The following DENND3 variants were observed in gnomAD, a reference collection of about 807,000 sequenced individuals.
The protein encoded by DENND3 is DENN domain containing 3.
A neutral mutation model predicts 135.1 loss-of-function variants in DENND3; 88 were observed. The ratio of observed to expected loss-of-function variants is 0.65; its 90% confidence interval spans 0.55 to 0.78. The LOEUF is 0.78. DENND3 is among the 30% of genes least tolerant of loss of function. The pLI is 0.00. For missense variants in DENND3, 1,392 were observed against 1,688.4 expected (o/e 0.82, Z 3.08); for synonymous variants, 693 against 712.3 (o/e 0.97, Z 0.43).
chr8:141,170,040 C>T (rs1821324587), intron 13 of DENND3, among the ~76,000 whole-genome samples: 2 of 152,272 alleles, frequency 1.3e-5, no homozygotes, highest in South Asian at 4.1e-4. Context: ...TCCCAGGCAG[C>T]ACACATTCCT....
rs1357913644 is a variant in DENND3, at chr8:141,130,047, C to T, written c.102+1238C>T. The T allele has an allele frequency of 2.0e-5, 3 of 152,220 alleles. No homozygotes were observed. The highest frequency in any genetic ancestry group is 4.4e-5 in the Non-Finnish European group (3 of 68,046). 9.4% of individuals were successfully genotyped at this position (152,220 alleles called of 1,614,324 possible). Reference sequence around the variant, plus strand: ...ACCTCGAATTTGCCAGATGGCATCTCCTCCTTTTTCTTCGAATAGGAAGTG... The same window carrying T: ...ACCTCGAATTTGCCAGATGGCATCTTCTCCTTTTTCTTCGAATAGGAAGTG... On this transcript the variant is annotated intron_variant, in intron 1 of 22. Coordinates refer to ENST00000519811, the MANE Select transcript of DENND3 (RefSeq NM_001352890.3). This position sits in a 1 kb window ranked among gnomAD's most constrained non-coding sequence, Gnocchi z 4.2.
rs1183601042 is a variant in DENND3, at chr8:141,194,450, C to T, written c.*217C>T. ...GGTTAAACTGCACCAAGGGTGTTTC[C>T]TGTTGGGGTGTGTCTCAGGCAGGCA... is the stretch of plus-strand genomic sequence containing the variant. On this transcript the variant is annotated 3_prime_UTR_variant, in exon 23 of 23. Transcript: ENST00000519811. 8 of 585,994 alleles carry T rather than the reference C, an allele frequency of 1.4e-5. No homozygotes were observed. Among genetic ancestry groups the T allele is most frequent in the Non-Finnish European group, 9.1e-6 (3 of 330,338 alleles). The allele number at this position is 585,994 out of a possible 1,614,324, so 36.3% of individuals were successfully genotyped here.
chr8:141,140,285 G>A (rs75581121), intron 3 of DENND3, among the ~76,000 whole-genome samples: 13,919 of 152,202 alleles, frequency 0.091, 1,166 homozygotes, highest in East Asian at 0.42. Flanking sequence ...CGTGACTTGA[G>A]GGTGGGAACC....
Position 141,141,426 on chromosome 8 carries a change from T to A in DENND3, c.623+102T>A. ...GGGCTGGAGGTGGTGGGGGGGCAGCTCTCTGTTCCTCTCCTGGTGAGCCGG... is the reference window on the plus strand; with the variant it reads ...GGGCTGGAGGTGGTGGGGGGGCAGCACTCTGTTCCTCTCCTGGTGAGCCGG... On this transcript the variant is annotated intron_variant, in intron 4 of 22. Coordinates refer to ENST00000519811, the MANE Select transcript of DENND3 (RefSeq NM_001352890.3). This position sits in a 1 kb window ranked among gnomAD's most constrained non-coding sequence, Gnocchi z 5.3. 2 of 1,266,490 alleles carry A rather than the reference T, an allele frequency of 1.6e-6. No individual in the cohort carries two copies. Among genetic ancestry groups the A allele is most frequent in the Non-Finnish European group, 2.2e-6 (2 of 923,282 alleles). 78.5% of individuals were successfully genotyped at this position (1,266,490 alleles called of 1,614,324 possible).
At chr8:141,185,001 AC>A in intron 17 of DENND3, 137 bp from the exon 18 acceptor site, 1 of 1,109,414 alleles carries the variant, frequency 9.0e-7, no homozygotes, top group South Asian at 1.8e-5. Flanking sequence ...CTGCCTGGGC[AC>A]GTCTTTGTAC....
In DENND3 at chr8:141,186,832, C is replaced by A. The variant is rs537916066; in HGVS notation, c.3084+1554C>A. Among the ~76,000 whole-genome samples the A allele has an allele frequency of 1.6e-3, 246 of 152,282 alleles. 1 individual carries two copies. In the South Asian group the frequency reaches 0.029, roughly 18 times the overall value. On this transcript the variant is annotated intron_variant, in intron 18 of 22. Coordinates refer to ENST00000519811, the MANE Select transcript of DENND3 (RefSeq NM_001352890.3). ...CCCAGCGGCCCCTCCTGCCTGCAGACCATCATTTCTTGGGGATTTTCCCTG... is the reference window on the plus strand; with the variant it reads ...CCCAGCGGCCCCTCCTGCCTGCAGAACATCATTTCTTGGGGATTTTCCCTG...
rs554978587 is a variant in DENND3, at chr8:141,151,547, C to G, written c.856-72C>G. On this transcript the variant is annotated intron_variant, in intron 6 of 22. Transcript: ENST00000519811. ...CTGCACTCCAGCCTGGGCTGGGCAA[C>G]ACAGCGAGACCCTGTCTGTATTTTT... The G allele has an allele frequency of 4.1e-6, 6 of 1,452,112 alleles. No homozygotes were observed. In the East Asian group the frequency reaches 1.4e-4, roughly 33 times the overall value. 90.0% of individuals were successfully genotyped at this position (1,452,112 alleles called of 1,614,324 possible). A position where few individuals can be genotyped will look rare whatever the true frequency, so the allele number is the denominator to read the frequency against.
chr8:141,156,526 C>T (rs1415209803), intron 8 of DENND3, among the ~76,000 whole-genome samples: 1 of 152,154 alleles, frequency 6.6e-6, no homozygotes, highest in Non-Finnish European at 1.5e-5. Flanking sequence ...GGATCCTGTG[C>T]CTGTGATCCT....
chr8:141,156,856 A>G (rs576629026), intron 8 of DENND3, among the ~76,000 whole-genome samples: 3 of 147,942 alleles, frequency 2.0e-5, no homozygotes, highest in Admixed American at 6.8e-5. Context: ...CAGTGGCGCA[A>G]TTTTGGCTCA....
intron 7 of DENND3, among the ~76,000 whole-genome samples, chr8:141,152,486 T>C (rs1055844851): frequency 3.3e-5 from 5 of 152,238 alleles, no homozygotes; most frequent in African/African-American, 1.2e-4. Flanking sequence ...CTCCATGCGC[T>C]ATCCTTCCAT....
At chr8:141,155,745 G>A in intron 7 of DENND3, 104 bp from the exon 8 acceptor site, 7 of 1,386,016 alleles carry the variant, frequency 5.1e-6, no homozygotes, top group Non-Finnish European at 6.7e-6. Flanking sequence ...AATTAATGAT[G>A]ACACTGTCTT....
At position 141,128,638 on chromosome 8, in the gene DENND3, C is replaced by G; in HGVS notation, c.-70C>G. On this transcript the variant is annotated 5_prime_UTR_variant, in exon 1 of 23. Coordinates refer to ENST00000519811, the MANE Select transcript of DENND3 (RefSeq NM_001352890.3). This position sits in a 1 kb window ranked among gnomAD's most constrained non-coding sequence, Gnocchi z 4.5. ...GGCCCCCAGGCGGCGCGGCTGGTCC[C>G]CAGGGGTCTGCGGGCGACTGCGCGG... 2.8e-6 allele frequency: 3 copies of G among 1,053,940 alleles called. No homozygotes were observed. Among genetic ancestry groups the G allele is most frequent in the Non-Finnish European group, 1.2e-6 (1 of 824,354 alleles). The allele number at this position is 1,053,940 out of a possible 1,614,324, so 65.3% of individuals were successfully genotyped here. A position where few individuals can be genotyped will look rare whatever the true frequency, so the allele number is the denominator to read the frequency against.
intron 9 of DENND3, 26 bp from the exon 10 acceptor site, chr8:141,163,307 A>ACTCAGACT (rs1364407367): frequency 7.1e-7 from 1 of 1,417,366 alleles, no homozygotes; most frequent in African/African-American, 1.4e-5. Context: ...AAGTTTTAGC[A>ACTCAGACT]CTCAGACTCT....
intron 22 of DENND3, chr8:141,192,884 C>T: frequency 6.7e-7 from 1 of 1,502,218 alleles, no homozygotes; most frequent in Middle Eastern, 1.7e-4. Context: ...CAGCGCATTC[C>T]CCCAAACTGG....
intron 5 of DENND3, among the ~76,000 whole-genome samples, chr8:141,149,828 G>C (rs1396401009): frequency 6.6e-6 from 1 of 152,248 alleles, no homozygotes; most frequent in Non-Finnish European, 1.5e-5. Context: ...CCTGCGTCTT[G>C]TTAGGAAGCA....
In DENND3 at chr8:141,194,595, G is replaced by A. The variant is rs1825158201; in HGVS notation, c.*362G>A. 1 of 280,624 alleles carries A rather than the reference G, an allele frequency of 3.6e-6. No individual in the cohort carries two copies. Among genetic ancestry groups the A allele is most frequent in the East Asian group, 8.0e-5 (1 of 12,564 alleles). The allele number at this position is 280,624 out of a possible 1,614,324, so 17.4% of individuals were successfully genotyped here. ...AGCTTGGCCGAGTCACAGGTGACCC[G>A]TGGCCCTCACGTCTCTGGTTTTACC... On this transcript the variant is annotated 3_prime_UTR_variant, in exon 23 of 23. Coordinates refer to ENST00000519811, the MANE Select transcript of DENND3 (RefSeq NM_001352890.3).
intron 5 of DENND3, among the ~76,000 whole-genome samples, chr8:141,147,500 G>A (rs1401842151): frequency 6.6e-6 from 1 of 152,166 alleles, no homozygotes. Flanking sequence ...CCGCCACAGG[G>A]CCCTTGCACA....
At chr8:141,133,811 T>C (rs563747190) in intron 1 of DENND3, among the ~76,000 whole-genome samples, 9 of 148,854 alleles carry the variant, frequency 6.0e-5, no homozygotes, top group African/African-American at 2.4e-4. Context: ...TCAGGCTTTT[T>C]GGAAACTAGC....
Position 141,192,557 on chromosome 8 carries a change from G to A in DENND3, c.3530G>A (p.Arg1177His), listed in dbSNP as rs758856671. ...CAGCTGTGGGCGGCCTGTGCAGGAC[G>A]CAGCGAGGTTTACATCTGGAGCCTG... ...EEQLWAACAG[R>H]SEVYIWSLKD... The change falls in exon 22 of 23, where the codon CGC becomes CAC. Residue 1177 changes from arginine to histidine, a missense_variant. Physicochemically the swap from Arg to His is conservative, Grantham distance 29. Coordinates refer to ENST00000519811, the MANE Select transcript of DENND3 (RefSeq NM_001352890.3). 4.6e-5 allele frequency: 73 copies of A among 1,583,314 alleles called. No individual in the cohort carries two copies. In the Admixed American group the frequency reaches 5.4e-4, roughly 12 times the overall value.
Sources: gnomAD v4.1 joint callset for allele counts (sites outside exome capture counted in the v4.1 genomes callset) on GRCh38, gnomAD v4.1.1 for gene constraint, Gnocchi (gnomAD v3.1) non-coding constraint, MANE v1.5 for transcripts, NCBI Gene and HGNC (gene_info 2026-07-23, HGNC 2026-07-21) for gene names.